The following SEMA3E variants were observed in gnomAD, a reference collection of about 807,000 sequenced individuals.
SEMA3E encodes the protein semaphorin-3E.
SEMA3E carries 49 observed loss-of-function variants against 93.6 expected under a neutral mutation model. The observed-to-expected ratio is 0.52, with a 90% CI of 0.42 to 0.66. SEMA3E has a LOEUF of 0.66. Ranked by LOEUF, SEMA3E falls within the 30% of genes least tolerant of loss-of-function variation. SEMA3E has a pLI of 0.00. For missense variants in SEMA3E, 906 were observed against 964.8 expected, an observed-to-expected ratio of 0.94 and a Z score of 0.81; for synonymous variants, 363 against 330.7, an observed-to-expected ratio of 1.10 and a Z score of -1.06.
At chr7:83,404,407 G>A (rs1285936139) in intron 9 of SEMA3E, among the ~76,000 whole-genome samples, 1 of 151,844 alleles carries the variant, frequency 6.6e-6, no homozygotes, top group Non-Finnish European at 1.5e-5. Context: ...ACAGTTTATG[G>A]CTTATATGAT....
rs139991057 is a variant in SEMA3E, at chr7:83,472,376, A to T, written c.277-3074T>A. Among the ~76,000 whole-genome samples the T allele has an allele frequency of 4.6e-5, 7 of 152,158 alleles. No individual in the cohort carries two copies. In the East Asian group the frequency reaches 1.4e-3, roughly 30 times the overall value. ...TTCATATTTATCTGTGGAAACCCAC[A>T]CTGCAATAAATATATGGGTGGAAAC... On this transcript the variant is annotated intron_variant, in intron 2 of 16. Transcript: ENST00000643230.
chr7:83,408,445 C>G lies in SEMA3E; in HGVS notation c.593G>C (p.Arg198Thr), dbSNP rs763408071. Reference protein sequence around the residue: ...FAGLYSDYWSRDAAIFRSMGR... With the variant: ...FAGLYSDYWSTDAAIFRSMGR... ...CATGCTGCGGAAGATCGCAGCGTCT[C>G]TGCTCCAGTAGTCACTGTAGAGTCC... is the stretch of plus-strand genomic sequence containing the variant. Residue 198 changes from arginine to threonine, a missense_variant, in exon 6 of 17, where the codon AGA becomes ACA. Coordinates refer to ENST00000643230, the MANE Select transcript of SEMA3E (RefSeq NM_012431.3). 1 of 1,613,774 alleles carries G rather than the reference C, an allele frequency of 6.2e-7. No individual in the cohort carries two copies. Among genetic ancestry groups the G allele is most frequent in the Non-Finnish European group, 8.5e-7 (1 of 1,179,824 alleles).
At chr7:83,534,422 CT>C (rs1791369221) in intron 1 of SEMA3E, among the ~76,000 whole-genome samples, 1 of 152,060 alleles carries the variant, frequency 6.6e-6, no homozygotes, top group Admixed American at 6.6e-5. Context: ...AATAACAGTA[CT>C]TTTTATCTTT....
chr7:83,597,986 T>C (rs1306233180), intron 1 of SEMA3E, among the ~76,000 whole-genome samples: 1 of 152,188 alleles, frequency 6.6e-6, no homozygotes, highest in Non-Finnish European at 1.5e-5. Flanking sequence ...TTGTGGTGCA[T>C]TTCTGGAAGT....
chr7:83,528,868 T>C (rs1392474211), intron 1 of SEMA3E, among the ~76,000 whole-genome samples: 1 of 152,144 alleles, frequency 6.6e-6, no homozygotes, highest in Non-Finnish European at 1.5e-5. Flanking sequence ...TACCTTCAGA[T>C]AGTCTTTTAG....
intron 1 of SEMA3E, among the ~76,000 whole-genome samples, chr7:83,505,264 T>C (rs1790676868): frequency 1.3e-5 from 2 of 152,136 alleles, no homozygotes; most frequent in Non-Finnish European, 2.9e-5. Context: ...TTGCAGCTTA[T>C]GTTACAAACC....
At chr7:83,567,740 G>A (rs1365248716) in intron 1 of SEMA3E, among the ~76,000 whole-genome samples, 5 of 151,936 alleles carry the variant, frequency 3.3e-5, no homozygotes, top group Admixed American at 2.6e-4. Flanking sequence ...ACAAAAACCT[G>A]TGGGATAAAG....
chr7:83,642,852 CAG>C (rs1273993267), intron 1 of SEMA3E, among the ~76,000 whole-genome samples: 1 of 151,998 alleles, frequency 6.6e-6, no homozygotes, highest in African/African-American at 2.4e-5. Flanking sequence ...TTTTAACTCT[CAG>C]AGACTGAAAT....
chr7:83,506,823 T>G (rs988754980), intron 1 of SEMA3E, among the ~76,000 whole-genome samples: 3 of 152,112 alleles, frequency 2.0e-5, no homozygotes, highest in African/African-American at 7.2e-5. Context: ...TATGGAAAAC[T>G]TGGAAGACAC....
At chr7:83,422,152 G>C (rs1425092674) in intron 4 of SEMA3E, among the ~76,000 whole-genome samples, 1 of 152,120 alleles carries the variant, frequency 6.6e-6, no homozygotes, top group Admixed American at 6.6e-5. Flanking sequence ...ACTCCAGACT[G>C]GGCAACAAGA....
intron 4 of SEMA3E, among the ~76,000 whole-genome samples, chr7:83,434,169 T>C (rs1788949159): frequency 6.6e-6 from 1 of 152,066 alleles, no homozygotes; most frequent in Non-Finnish European, 1.5e-5. Flanking sequence ...AAACTTTCCG[T>C]CAAATGAACA....
chr7:83,641,322 G>A lies in SEMA3E; in HGVS notation c.115+7106C>T, dbSNP rs542198093. On this transcript the variant is annotated intron_variant, in intron 1 of 16. Transcript: ENST00000643230. ...GTGTCAGGAACTGTGCATGGCACCA[G>A]ATATCTTACCTGTTCATCTAAGGGA... 1.9e-5 allele frequency: 18 copies of A among 943,600 alleles called. No homozygotes were observed. In the South Asian group the frequency reaches 7.3e-4, roughly 38 times the overall value. The allele number at this position is 943,600 out of a possible 1,614,324, so 58.5% of individuals were successfully genotyped here.
chr7:83,591,333 G>A (rs1432254294), intron 1 of SEMA3E, among the ~76,000 whole-genome samples: 2 of 151,694 alleles, frequency 1.3e-5, no homozygotes, highest in Non-Finnish European at 2.9e-5. Context: ...TTATAGTATG[G>A]TAATTTTGTT....
chr7:83,409,304 A>G (rs750719901), intron 5 of SEMA3E, among the ~76,000 whole-genome samples: 1 of 152,162 alleles, frequency 6.6e-6, no homozygotes, highest in East Asian at 1.9e-4. Context: ...ATAGGGACTT[A>G]GAATCCTTTC....
At chr7:83,521,911 T>C (rs898489215) in intron 1 of SEMA3E, among the ~76,000 whole-genome samples, 16 of 152,114 alleles carry the variant, frequency 1.1e-4, no homozygotes, top group Non-Finnish European at 1.5e-5. Context: ...ACTCAGTTCA[T>C]TGTAGGCACT....
intron 4 of SEMA3E, among the ~76,000 whole-genome samples, chr7:83,434,709 C>CTTTTTTTTT (rs76539180): frequency 2.4e-4 from 29 of 120,220 alleles, no homozygotes; most frequent in Non-Finnish European, 3.1e-4. Context: ...AACTGTATTT[C>CTTTTTTTTT]TTTTTTTTTT....
intron 4 of SEMA3E, among the ~76,000 whole-genome samples, chr7:83,464,760 A>C (rs1789713989): frequency 8.2e-6 from 1 of 121,818 alleles, no homozygotes; most frequent in African/African-American, 2.7e-5. Context: ...CCCTTACCAC[A>C]AGACCTGCCT....
At chr7:83,451,501 T>C (rs1789358346) in intron 4 of SEMA3E, among the ~76,000 whole-genome samples, 1 of 152,222 alleles carries the variant, frequency 6.6e-6, no homozygotes, top group Non-Finnish European at 1.5e-5. Context: ...TCCATAGTTA[T>C]TTACTACTAG....
chr7:83,438,051 T>C (rs554493593), intron 4 of SEMA3E, among the ~76,000 whole-genome samples: 6 of 152,290 alleles, frequency 3.9e-5, no homozygotes, highest in Admixed American at 6.5e-5. Flanking sequence ...TAATTAAATA[T>C]CGAGTTCTGA....
Sources: allele counts gnomAD v4.1 joint callset (sites outside exome capture counted in the v4.1 genomes callset), GRCh38; gene constraint gnomAD v4.1.1; transcripts MANE v1.5; gene names NCBI Gene and HGNC (gene_info 2026-07-23, HGNC 2026-07-21).